ARL6IP6: variants seen among roughly 807,000 people sequenced by gnomAD.
ARL6IP6 encodes the protein ARF like GTPase 6 interacting protein 6.
Under a neutral mutation model 21.5 loss-of-function variants are expected in ARL6IP6, and 22 were observed. That is an observed-to-expected ratio of 1.02 (90% CI 0.73 to 1.46). The LOEUF (loss-of-function observed/expected upper bound fraction) is 1.46, where lower values mean the gene tolerates loss of function less well. Ranked by LOEUF, ARL6IP6 falls within the 40% of genes most tolerant of loss-of-function variation. The probability of loss-of-function intolerance (pLI) is 0.00; values close to 1 mark genes in which losing one functional copy is unlikely to be tolerated. For missense variants in ARL6IP6, 388 were observed against 299.8 expected (o/e 1.29, Z -2.17); for synonymous variants, 164 against 125.3 (o/e 1.31, Z -2.06).
chr2:152,748,603 A>G (rs889468225), intron 3 of ARL6IP6, among the ~76,000 whole-genome samples: 7 of 152,234 alleles, frequency 4.6e-5, no homozygotes, highest in East Asian at 1.9e-4. Context: ...CTCTGAGCCA[A>G]TCAGACACAG....
intron 3 of ARL6IP6, among the ~76,000 whole-genome samples, chr2:152,736,292 A>G (rs951415689): frequency 2.0e-5 from 3 of 152,230 alleles, no homozygotes; most frequent in African/African-American, 7.2e-5. Context: ...TTTCAAAAAA[A>G]TCACCAAAAA....
At chr2:152,718,019 G>A, upstream of ARL6IP6, 1 of 995,292 alleles carries the variant, frequency 1.0e-6, no homozygotes, top group Non-Finnish European at 1.2e-6. Context: ...GCCTGGGGAA[G>A]GAGGCGTGTC....
chr2:152,734,980 CTT>C lies in ARL6IP6; in HGVS notation c.455-11_455-10del. ...GTTAATAATGTACTTTTTCCCCTCT[CTT>C]TTCCTGTTAAGGATTCTGGACTCTA... On this transcript the variant is annotated splice_polypyrimidine_tract_variant and intron_variant, in intron 2 of 3. Transcript: ENST00000326446. 1.2e-6 allele frequency: 2 copies of C among 1,609,122 alleles called. No individual in the cohort carries two copies. Among genetic ancestry groups the C allele is most frequent in the Non-Finnish European group, 1.7e-6 (2 of 1,176,164 alleles).
In ARL6IP6 at chr2:152,718,894, C is replaced by T. The variant is rs774020654; in HGVS notation, c.270C>T (p.Ile90=). ...TTCTGCCCGATAAGCGCAATGGTAT[C>T]TTTCCCGCGGCCGCGGGCAGCAGAG... ...SPVLPDKRNG[I]FPAAAGSRAQ... The change falls in exon 1 of 4, where the codon ATC becomes ATT. Residue 90 remains isoleucine (I), a synonymous_variant. Transcript: ENST00000326446. The T allele has an allele frequency of 8.7e-6, 14 of 1,613,812 alleles. No homozygotes were observed. Among genetic ancestry groups the T allele is most frequent in the East Asian group, 2.2e-5 (1 of 44,868 alleles).
chr2:152,743,085 A>G (rs1700891724), intron 3 of ARL6IP6, among the ~76,000 whole-genome samples: 1 of 151,956 alleles, frequency 6.6e-6, no homozygotes, highest in African/African-American at 2.4e-5. Flanking sequence ...TTGCCCCCAC[A>G]GTATTGCTAA....
intron 3 of ARL6IP6, among the ~76,000 whole-genome samples, chr2:152,746,792 T>A (rs1701070726): frequency 6.6e-6 from 1 of 151,652 alleles, no homozygotes; most frequent in African/African-American, 2.4e-5. Context: ...TCTTGGATAA[T>A]TGTTATTTAT....
chr2:152,737,019 C>T (rs917769910), intron 3 of ARL6IP6, among the ~76,000 whole-genome samples: 1 of 152,116 alleles, frequency 6.6e-6, no homozygotes, highest in African/African-American at 2.4e-5. Flanking sequence ...CAGTCACAGC[C>T]CTCTATTGGT....
intron 3 of ARL6IP6, among the ~76,000 whole-genome samples, chr2:152,740,871 G>A (rs1700776216): frequency 6.6e-6 from 1 of 151,946 alleles, no homozygotes; most frequent in African/African-American, 2.4e-5. Flanking sequence ...TTGTTTTATA[G>A]TCAAAACCCT....
chr2:152,718,223 G>A (rs1047509260), upstream of ARL6IP6: 3 of 395,990 alleles, frequency 7.6e-6, no homozygotes, highest in East Asian at 1.3e-4. Context: ...GAGGGCGCGA[G>A]CGGGCGCTAG....
intron 2 of ARL6IP6, among the ~76,000 whole-genome samples, chr2:152,721,305 T>C (rs185816356): frequency 4.6e-5 from 7 of 152,152 alleles, no homozygotes; most frequent in Non-Finnish European, 7.4e-5. Context: ...TAATGTCTTA[T>C]GTAGGCTTCA....
chr2:152,735,981 A>AT (rs1048570773), intron 3 of ARL6IP6, among the ~76,000 whole-genome samples: 27 of 151,760 alleles, frequency 1.8e-4, no homozygotes, highest in Admixed American at 1.5e-3. Flanking sequence ...TAAACTCCCA[A>AT]TTTTTTTTGT....
chr2:152,739,645 C>T (rs145316083), intron 3 of ARL6IP6, among the ~76,000 whole-genome samples: 1 of 152,308 alleles, frequency 6.6e-6, no homozygotes, highest in Non-Finnish European at 1.5e-5. Context: ...TCCCTGTTAC[C>T]TAGTTCCAAA....
intron 3 of ARL6IP6, among the ~76,000 whole-genome samples, chr2:152,741,340 T>C (rs1368885427): frequency 6.6e-6 from 1 of 151,988 alleles, no homozygotes; most frequent in Non-Finnish European, 1.5e-5. Flanking sequence ...ATAAATCATA[T>C]ATAACTGGTT....
At position 152,729,956 on chromosome 2, in the gene ARL6IP6, A is replaced by G. The variant is rs1337831274; in HGVS notation, c.455-5038A>G. Reference sequence around the variant, plus strand: ...GAGGATTCTGCAGGTACTGACTTGTAAAAAATTTAGTTGTTGGGGAGTTAC... The same window carrying G: ...GAGGATTCTGCAGGTACTGACTTGTGAAAAATTTAGTTGTTGGGGAGTTAC... On this transcript the variant is annotated intron_variant, in intron 2 of 3. Coordinates refer to ENST00000326446, the MANE Select transcript of ARL6IP6 (RefSeq NM_152522.7). Among the ~76,000 whole-genome samples the G allele has an allele frequency of 3.3e-5, 5 of 152,284 alleles. No individual in the cohort carries two copies. The East Asian group carries it at 9.7e-4, about 29-fold the overall frequency.
At chr2:152,722,806 G>A (rs558347703) in intron 2 of ARL6IP6, among the ~76,000 whole-genome samples, 2 of 152,292 alleles carry the variant, frequency 1.3e-5, no homozygotes, top group Non-Finnish European at 2.9e-5. Context: ...TACTCGGGAG[G>A]CTGAGGCAGG....
chr2:152,762,136 ATGAG>A lies in ARL6IP6; in HGVS notation c.*2298_*2301del, dbSNP rs71396305. ...CCTAATCTCATTTTGCCTGGCTACA[ATGAG>A]TAGAATAGAGAAATGACTTCAGTGA... On this transcript the variant is annotated 3_prime_UTR_variant, in exon 4 of 4. Coordinates refer to ENST00000326446, the MANE Select transcript of ARL6IP6 (RefSeq NM_152522.7). Among the ~76,000 whole-genome samples, 19,153 of 152,116 alleles carry A rather than the reference ATGAG, an allele frequency of 0.13. 1,493 individuals are homozygous for A. The highest frequency in any genetic ancestry group is 0.23 in the Middle Eastern group (68 of 292).
chr2:152,758,714 TTTGAAGAATGTACCTTC>T (rs1171264293), intron 3 of ARL6IP6, among the ~76,000 whole-genome samples: 1 of 152,160 alleles, frequency 6.6e-6, no homozygotes, highest in Non-Finnish European at 1.5e-5. Flanking sequence ...AGGGCTCTTC[TTTGAAGAATGTACCTTC>T]TTCAATCTCT....
chr2:152,748,691 T>C (rs1701172894), intron 3 of ARL6IP6, among the ~76,000 whole-genome samples: 2 of 152,250 alleles, frequency 1.3e-5, no homozygotes, highest in African/African-American at 4.8e-5. Context: ...CGCTTTCTGC[T>C]TAAAGCAGTA....
rs369276320 is a variant in ARL6IP6 at position 152,735,075 on chromosome 2, C to G, written c.536C>G (p.Ser179Cys). ...SFSWTVTYFD[S>C]FEPGMFPPTP... ...TCTTGGACAGTGACTTACTTTGATTCTTTTGAACCAGGAATGTTTCCTCCT... is the reference window on the plus strand; with the variant it reads ...TCTTGGACAGTGACTTACTTTGATTGTTTTGAACCAGGAATGTTTCCTCCT... The change falls in exon 3 of 4, where the codon TCT (serine) becomes TGT (cysteine). Residue 179 changes from serine to cysteine, a missense_variant. Ser to Cys is a moderately radical substitution (Grantham distance 112). Transcript: ENST00000326446. The G allele has an allele frequency of 6.2e-7, 1 of 1,613,492 alleles. No homozygotes were observed. The highest frequency in any genetic ancestry group is 1.7e-5 in the Admixed American group (1 of 59,976).
Sources: allele counts gnomAD v4.1 joint callset (sites outside exome capture counted in the v4.1 genomes callset), GRCh38; gene constraint gnomAD v4.1.1; transcripts MANE v1.5; gene names NCBI Gene and HGNC (gene_info 2026-07-23, HGNC 2026-07-21).